The following DLGAP2 variants were observed in gnomAD, a reference collection of about 807,000 sequenced individuals.
DLGAP2 encodes the protein disks large-associated protein 2.
Under a neutral mutation model 100.3 loss-of-function variants are expected in DLGAP2, and 26 were observed. The observed-to-expected ratio is 0.26, with a 90% CI of 0.19 to 0.36. DLGAP2 has a LOEUF of 0.36. DLGAP2 is among the 10% of genes least tolerant of loss of function. The pLI, the probability that DLGAP2 is intolerant of heterozygous loss-of-function variation, is 1.00. For synonymous variants in DLGAP2, 886 were observed against 630.1 expected, an observed-to-expected ratio of 1.41 and a Z score of -6.08; for missense variants, 1,858 against 1,453.2, an observed-to-expected ratio of 1.28 and a Z score of -4.53.
chr8:786,493 A>C (rs1821871512), intron 1 of DLGAP2, among the ~76,000 whole-genome samples: 1 of 152,156 alleles, frequency 6.6e-6, no homozygotes. Flanking sequence ...TCCCACCCCC[A>C]CATAAGTGTA....
At chr8:1,419,563 C>G (rs530089997) in intron 3 of DLGAP2, among the ~76,000 whole-genome samples, 3 of 151,918 alleles carry the variant, frequency 2.0e-5, no homozygotes, top group Non-Finnish European at 2.9e-5. Flanking sequence ...CATGTTGATA[C>G]GTGTACATAA....
intron 3 of DLGAP2, among the ~76,000 whole-genome samples, chr8:1,267,559 A>G (rs1011119301): frequency 7.8e-5 from 4 of 51,072 alleles, no homozygotes; most frequent in African/African-American, 4.4e-4. Context: ...ATTCCCGCTC[A>G]AAATAAAATA....
At chr8:1,481,471 C>CTTTTTTTTTTTTTTTTTT (rs1165790168) in intron 3 of DLGAP2, among the ~76,000 whole-genome samples, 27 of 43,692 alleles carry the variant, frequency 6.2e-4, no homozygotes, top group Middle Eastern at 0.019. Context: ...TTTTCTTTTT[C>CTTTTTTTTTTTTTTTTTT]TTTTTTTTTT....
intron 3 of DLGAP2, among the ~76,000 whole-genome samples, chr8:1,270,425 G>C (rs1424050414): frequency 6.6e-6 from 1 of 152,156 alleles, no homozygotes; most frequent in African/African-American, 2.4e-5. Context: ...CATTTGTTTT[G>C]CTTTAAAAAT....
At chr8:1,076,489 G>A (rs990128210) in intron 2 of DLGAP2, among the ~76,000 whole-genome samples, 3 of 152,230 alleles carry the variant, frequency 2.0e-5, no homozygotes, top group Non-Finnish European at 4.4e-5. Context: ...CAGATCTGCC[G>A]CTCATGGCCC....
chr8:755,619 G>C (rs1352691028), intron 1 of DLGAP2, among the ~76,000 whole-genome samples: 1 of 152,168 alleles, frequency 6.6e-6, no homozygotes, highest in Non-Finnish European at 1.5e-5. Flanking sequence ...GGGGCAGGTG[G>C]GGGTGAATGT....
intron 3 of DLGAP2, among the ~76,000 whole-genome samples, chr8:1,337,510 A>T (rs1801315962): frequency 6.6e-6 from 1 of 151,140 alleles, no homozygotes. Context: ...GAGGATGATG[A>T]TGGTGATGCT....
At chr8:750,926 G>A (rs1820774030) in intron 1 of DLGAP2, among the ~76,000 whole-genome samples, 1 of 152,254 alleles carries the variant, frequency 6.6e-6, no homozygotes, top group Non-Finnish European at 1.5e-5. Flanking sequence ...CTGGGCCCCG[G>A]CTCGTTTTGT....
At chr8:1,440,954 G>A (rs1436617825) in intron 3 of DLGAP2, among the ~76,000 whole-genome samples, 1 of 152,316 alleles carries the variant, frequency 6.6e-6, no homozygotes, top group East Asian at 1.9e-4. Context: ...TAATGCAAAA[G>A]CACGTAAGTC....
chr8:1,343,375 G>C (rs1801463615), intron 3 of DLGAP2, among the ~76,000 whole-genome samples: 1 of 152,150 alleles, frequency 6.6e-6, no homozygotes, highest in South Asian at 2.1e-4. Flanking sequence ...CGGCCAACCG[G>C]AGTTGCCCAC....
intron 1 of DLGAP2, among the ~76,000 whole-genome samples, chr8:801,238 A>G (rs1054692947): frequency 2.0e-5 from 3 of 152,226 alleles, no homozygotes; most frequent in African/African-American, 4.8e-5. Context: ...ATTATGATCA[A>G]TACAACTTTG....
intron 2 of DLGAP2, among the ~76,000 whole-genome samples, chr8:1,213,132 C>T (rs1226529373): frequency 2.0e-5 from 3 of 152,128 alleles, no homozygotes; most frequent in Non-Finnish European, 4.4e-5. Context: ...AAGAGAATCA[C>T]ATCATCCTCA....
chr8:1,293,928 C>A (rs1800114438), intron 3 of DLGAP2, among the ~76,000 whole-genome samples: 2 of 152,190 alleles, frequency 1.3e-5, no homozygotes, highest in South Asian at 4.1e-4. Context: ...GATTTTCATG[C>A]AAAACAAGTA....
chr8:1,320,919 GCATGTATCTGTGTGTATA>G (rs1158380464), intron 3 of DLGAP2, among the ~76,000 whole-genome samples: 2 of 152,184 alleles, frequency 1.3e-5, no homozygotes, highest in East Asian at 1.9e-4. Flanking sequence ...GCATGTGTGT[GCATGTATCTGTGTGTATA>G]CATGTATCTG....
At chr8:1,157,188 C>T (rs1796807991) in intron 2 of DLGAP2, among the ~76,000 whole-genome samples, 1 of 152,114 alleles carries the variant, frequency 6.6e-6, no homozygotes, top group Non-Finnish European at 1.5e-5. Context: ...TGTGATCAGC[C>T]TGTGGGTTCC....
rs115076212 is a variant in DLGAP2, at chr8:1,694,010, G to A, written c.2796+2384G>A. ...CTGTCTTTAGGAATGCTCATCCAAA[G>A]CTTCCCACACACAGCCCAAGGTGCA... On this transcript the variant is annotated intron_variant, in intron 13 of 14. Coordinates refer to ENST00000637795, the MANE Select transcript of DLGAP2 (RefSeq NM_001346810.2). 7.2e-3 allele frequency among the ~76,000 whole-genome samples: 1,100 copies of A among 152,308 alleles called. 15 individuals are homozygous for A. Among genetic ancestry groups the A allele is most frequent in the African/African-American group, 0.025 (1,023 of 41,556 alleles).
At chr8:1,070,549 T>C in intron 2 of DLGAP2, among the ~76,000 whole-genome samples, 1 of 152,188 alleles carries the variant, frequency 6.6e-6, no homozygotes, top group East Asian at 1.9e-4. Context: ...TGAGGGGCGA[T>C]TTCGGCACTG....
Position 899,052 on chromosome 8 carries a change from G to A in DLGAP2, c.19-8860G>A, listed in dbSNP as rs537664690. Among the ~76,000 whole-genome samples the A allele has an allele frequency of 7.2e-5, 11 of 152,340 alleles. No homozygotes were observed. The South Asian group carries it at 8.3e-4, about 11-fold the overall frequency. ...CGCCAGTGGAAGTGTGAAGACCTCTGACTCATAGATAACAACCGTTGACTG... is the reference window on the plus strand; with the variant it reads ...CGCCAGTGGAAGTGTGAAGACCTCTAACTCATAGATAACAACCGTTGACTG... On this transcript the variant is annotated intron_variant, in intron 1 of 14. Transcript: ENST00000637795.
chr8:1,002,356 T>A (rs1211107510), intron 2 of DLGAP2: 1 of 152,216 alleles, frequency 6.6e-6, no homozygotes, highest in Non-Finnish European at 1.5e-5. Flanking sequence ...TTAACTTGTT[T>A]AACTAGATGC....
Sources: allele counts gnomAD v4.1 joint callset (sites outside exome capture counted in the v4.1 genomes callset), GRCh38; gene constraint gnomAD v4.1.1; transcripts MANE v1.5; gene names NCBI Gene and HGNC (gene_info 2026-07-23, HGNC 2026-07-21).